FARP1: variants seen among roughly 807,000 people sequenced by gnomAD.
FARP1 encodes the protein FERM, ARHGEF and pleckstrin domain-containing protein 1.
In FARP1, 52 loss-of-function variants were observed where a neutral mutation model predicts 128.8. The ratio of observed to expected loss-of-function variants is 0.40; its 90% confidence interval spans 0.32 to 0.51. The LOEUF (loss-of-function observed/expected upper bound fraction) is 0.51. Among genes scored for constraint, FARP1 ranks in the 20% least tolerant of loss-of-function variants. The probability of loss-of-function intolerance (pLI) is 0.45; values close to 1 mark genes in which losing one functional copy is unlikely to be tolerated. For synonymous variants in FARP1, 580 were observed against 551.8 expected, an observed-to-expected ratio of 1.05 and a Z score of -0.72; for missense variants, 1,333 against 1,367.9, an observed-to-expected ratio of 0.97 and a Z score of 0.40.
Position 98,448,537 on chromosome 13 carries a change from GTTCTTTAGCTAGTGCCAGT to G in FARP1, c.*221_*239del. 1 of 559,434 alleles carries G rather than the reference GTTCTTTAGCTAGTGCCAGT, an allele frequency of 1.8e-6. No homozygotes were observed. Among genetic ancestry groups the G allele is most frequent in the Non-Finnish European group, 3.2e-6 (1 of 313,474 alleles). 34.7% of individuals were successfully genotyped at this position (559,434 alleles called of 1,614,324 possible). The stretch of plus-strand genomic sequence containing the variant: ...AGTCCTGGCATCCGCTGGGGGCGCT[GTTCTTTAGCTAGTGCCAGT>G]ATTAAAACATTGTCATTACGAGAGT... On this transcript the variant is annotated 3_prime_UTR_variant, in exon 27 of 27. Transcript: ENST00000319562.
intron 2 of FARP1, among the ~76,000 whole-genome samples, chr13:98,276,415 G>A (rs1268165966): frequency 1.3e-5 from 2 of 151,914 alleles, no homozygotes; most frequent in Non-Finnish European, 2.9e-5. Context: ...ATAATATTAT[G>A]GCATAACAGT....
Position 98,438,805 on chromosome 13 carries a change from A to C in FARP1, c.2276A>C (p.Glu759Ala). ...GIDNLVVPGR[E>A]FIRLGSLSKL... is the part of the protein sequence containing the mutation. ...CCCTCCGGTCTGTCTCCCCTGCAGGAGTTCATCCGTCTGGGCAGCCTCAGC... is the reference window on the plus strand; with the variant it reads ...CCCTCCGGTCTGTCTCCCCTGCAGGCGTTCATCCGTCTGGGCAGCCTCAGC... Residue 759 changes from glutamate to alanine, a missense_variant and splice_region_variant, in exon 20 of 27, where the codon GAG (glutamate) becomes GCG (alanine). Physicochemically the swap from Glu to Ala is moderately radical, Grantham distance 107. Coordinates refer to ENST00000319562, the MANE Select transcript of FARP1 (RefSeq NM_005766.4). 1.2e-6 allele frequency: 2 copies of C among 1,612,186 alleles called. No homozygotes were observed. Among genetic ancestry groups the C allele is most frequent in the Non-Finnish European group, 1.7e-6 (2 of 1,179,742 alleles).
chr13:98,238,625 A>G (rs1283994647), intron 2 of FARP1, among the ~76,000 whole-genome samples: 1 of 152,146 alleles, frequency 6.6e-6, no homozygotes, highest in Non-Finnish European at 1.5e-5. Flanking sequence ...ACTCCCCTTT[A>G]TAAAACTATC....
At position 98,244,810 on chromosome 13, in the gene FARP1, A is replaced by G. The variant is rs561201532; in HGVS notation, c.171+31397A>G. The G allele has an allele frequency of 6.0e-4, 910 of 1,520,856 alleles. 2 individuals are homozygous for G. Among genetic ancestry groups the G allele is most frequent in the Non-Finnish European group, 4.7e-4 (537 of 1,139,966 alleles). 94.2% of individuals were successfully genotyped at this position (1,520,856 alleles called of 1,614,324 possible). On this transcript the variant is annotated intron_variant, in intron 2 of 26. Coordinates refer to ENST00000319562, the MANE Select transcript of FARP1 (RefSeq NM_005766.4). ...TGACATTAACACATTTCAGTGCCCA[A>G]TAAGTGATTTTTCTGCTGGGTAGGA...
At chr13:98,318,950 GT>G (rs56166470) in intron 2 of FARP1, among the ~76,000 whole-genome samples, 4,274 of 120,618 alleles carry the variant, frequency 0.035, 142 homozygotes, top group African/African-American at 0.12. Flanking sequence ...GTTTTTTCTT[GT>G]TTTTTTTTTT....
At chr13:98,357,686 G>A (rs1022107636) in intron 3 of FARP1, among the ~76,000 whole-genome samples, 3 of 152,128 alleles carry the variant, frequency 2.0e-5, no homozygotes, top group African/African-American at 7.2e-5. Context: ...TATGGAGTCT[G>A]TCATTCGTGT....
intron 6 of FARP1, among the ~76,000 whole-genome samples, chr13:98,378,465 G>T (rs1274985272): frequency 1.3e-5 from 2 of 152,134 alleles, no homozygotes; most frequent in Admixed American, 6.5e-5. Flanking sequence ...AGCCACCTGG[G>T]TGTTTTTTCC....
chr13:98,176,576 T>C lies in FARP1; in HGVS notation c.-24+33084T>C. On this transcript the variant is annotated intron_variant, in intron 1 of 26. Transcript: ENST00000319562. The surrounding 1 kb of genome is among the most constrained non-coding windows in gnomAD (Gnocchi z 6.2). ...TCCCGTTCAATCTCCCACCCGAGCTTGTAATCGGAACGGTCGTGGAGGAAT... is the reference window on the plus strand; with the variant it reads ...TCCCGTTCAATCTCCCACCCGAGCTCGTAATCGGAACGGTCGTGGAGGAAT... 1 of 1,614,196 alleles carries C rather than the reference T, an allele frequency of 6.2e-7. No individual in the cohort carries two copies. Among genetic ancestry groups the C allele is most frequent in the Non-Finnish European group, 8.5e-7 (1 of 1,180,028 alleles).
chr13:98,407,775 G>C (rs1283938706), intron 13 of FARP1, among the ~76,000 whole-genome samples: 3 of 152,194 alleles, frequency 2.0e-5, no homozygotes, highest in African/African-American at 7.2e-5. Flanking sequence ...TGTTGGCGGT[G>C]CTGCTGACTG....
chr13:98,158,729 G>A (rs1347174075), intron 1 of FARP1, among the ~76,000 whole-genome samples: 1 of 152,172 alleles, frequency 6.6e-6, no homozygotes, highest in Non-Finnish European at 1.5e-5. Context: ...AGGATTATAG[G>A]CAATTTAGCC....
intron 1 of FARP1, among the ~76,000 whole-genome samples, chr13:98,184,271 C>A (rs1463708233): frequency 6.6e-6 from 1 of 152,058 alleles, no homozygotes; most frequent in Non-Finnish European, 1.5e-5. Context: ...GCGCCTGCCA[C>A]CCCACCCGGC....
chr13:98,347,951 AT>A (rs1309106990), intron 3 of FARP1, among the ~76,000 whole-genome samples: 2 of 152,184 alleles, frequency 1.3e-5, no homozygotes, highest in Non-Finnish European at 2.9e-5. Flanking sequence ...AAGTTGTTGA[AT>A]TTAGGCAGCT....
At chr13:98,315,339 C>T (rs1886673729) in intron 2 of FARP1, among the ~76,000 whole-genome samples, 1 of 151,992 alleles carries the variant, frequency 6.6e-6, no homozygotes, top group Non-Finnish European at 1.5e-5. Context: ...CTCCTGGGCT[C>T]AAGCAATGCC....
chr13:98,375,756 G>A (rs1411084126), intron 5 of FARP1, among the ~76,000 whole-genome samples: 1 of 152,086 alleles, frequency 6.6e-6, no homozygotes, highest in African/African-American at 2.4e-5. Context: ...AGCCTCCCGA[G>A]TAGCTGGGAT....
At chr13:98,268,237 T>C (rs986364510) in intron 2 of FARP1, among the ~76,000 whole-genome samples, 1 of 152,204 alleles carries the variant, frequency 6.6e-6, no homozygotes, top group Non-Finnish European at 1.5e-5. Context: ...TGGGGGCTCT[T>C]GTGCCACAGC....
rs1890178653 is a variant in FARP1, at chr13:98,388,378, T to G, written c.760-5T>G. On this transcript the variant is annotated splice_polypyrimidine_tract_variant and splice_region_variant and intron_variant, in intron 8 of 26. Coordinates refer to ENST00000319562, the MANE Select transcript of FARP1 (RefSeq NM_005766.4). ...CTGGCTCACTGCTACTGTCTTTCTT[T>G]TTAGGGTTTCACTAAGATCAATGCC... 2 of 1,611,876 alleles carry G rather than the reference T, an allele frequency of 1.2e-6. No individual in the cohort carries two copies. The highest frequency in any genetic ancestry group is 1.3e-5 in the African/African-American group (1 of 75,006).
chr13:98,181,181 T>C (rs1463840269), intron 1 of FARP1, among the ~76,000 whole-genome samples: 3 of 152,138 alleles, frequency 2.0e-5, no homozygotes, highest in Non-Finnish European at 4.4e-5. Flanking sequence ...CTGGTTTAGG[T>C]CCACACATGC....
At chr13:98,237,300 G>A (rs1400325596) in intron 2 of FARP1, among the ~76,000 whole-genome samples, 2 of 148,556 alleles carry the variant, frequency 1.3e-5, no homozygotes, top group African/African-American at 5.1e-5. Context: ...TCGAAACTCC[G>A]TCTCAAAAAA....
intron 2 of FARP1, among the ~76,000 whole-genome samples, chr13:98,326,466 C>G (rs1269118108): frequency 2.0e-5 from 3 of 152,176 alleles, no homozygotes; most frequent in Admixed American, 2.0e-4. Flanking sequence ...CTTCCCATTT[C>G]CCCCTCCCTT....
Sources: gnomAD v4.1 joint callset for allele counts (sites outside exome capture counted in the v4.1 genomes callset) on GRCh38, gnomAD v4.1.1 for gene constraint, Gnocchi (gnomAD v3.1) non-coding constraint, MANE v1.5 for transcripts, NCBI Gene and HGNC (gene_info 2026-07-23, HGNC 2026-07-21) for gene names.